The following ENOSF1 variants were observed in gnomAD, a reference collection of about 807,000 sequenced individuals.
ENOSF1 encodes mitochondrial enolase superfamily member 1.
ENOSF1 carries 73 observed loss-of-function variants against 68.2 expected under a neutral mutation model. The ratio of observed to expected loss-of-function variants is 1.07; its 90% CI spans 0.89 to 1.30. ENOSF1 has a LOEUF of 1.30. ENOSF1 is among the 50% of genes most tolerant of loss of function. The pLI, the probability that ENOSF1 is intolerant of heterozygous loss-of-function variation, is 0.00. For synonymous variants in ENOSF1, 223 were observed against 210.4 expected (o/e 1.06, Z -0.52); for missense variants, 589 against 554.5 (o/e 1.06, Z -0.62).
intron 3 of ENOSF1, among the ~76,000 whole-genome samples, chr18:696,012 G>A (rs1234573760): frequency 6.6e-6 from 1 of 152,088 alleles, no homozygotes; most frequent in African/African-American, 2.4e-5. Flanking sequence ...CAGTATCACG[G>A]GACAAAGGCA....
rs1378812093 is a variant in ENOSF1 at position 712,609 on chromosome 18, C to G, written c.-22G>C. The stretch of plus-strand genomic sequence containing the variant: ...CCATGGCCCCTGCGCCCCGTGGCCG[C>G]GGCCCCCGTGCGGTCAGGACTGGTC... On this transcript the variant is annotated 5_prime_UTR_variant, in exon 1 of 16. Coordinates refer to ENST00000647584, the MANE Select transcript of ENOSF1 (RefSeq NM_017512.7). 1.5e-6 allele frequency: 2 copies of G among 1,319,264 alleles called. No individual in the cohort carries two copies. Among genetic ancestry groups the G allele is most frequent in the Non-Finnish European group, 9.9e-7 (1 of 1,009,226 alleles). 81.7% of individuals were successfully genotyped at this position (1,319,264 alleles called of 1,614,324 possible). A position where few individuals can be genotyped will look rare whatever the true frequency, so the allele number is the denominator to read the frequency against.
chr18:674,409 A>G lies in ENOSF1; in HGVS notation c.1231-3T>C, dbSNP rs1221203620. ...ATTTCTGTTGAGTAGCCGGGATCCT[A>G]TCAAAGACCAAAAAAATGAGTCCTG... On this transcript the variant is annotated splice_region_variant and splice_polypyrimidine_tract_variant and intron_variant, in intron 15 of 15. Coordinates refer to ENST00000647584, the MANE Select transcript of ENOSF1 (RefSeq NM_017512.7). 1 of 1,599,490 alleles carries G rather than the reference A, an allele frequency of 6.3e-7. No homozygotes were observed. The highest frequency in any genetic ancestry group is 1.3e-5 in the African/African-American group (1 of 74,144).
At chr18:683,563 G>A (rs573075660) in intron 10 of ENOSF1, among the ~76,000 whole-genome samples, 183 bp from the exon 11 acceptor site, 2 of 152,190 alleles carry the variant, frequency 1.3e-5, no homozygotes, top group East Asian at 1.9e-4. Context: ...CTGCTGAGAC[G>A]GGGACTCTGG....
downstream of ENOSF1, among the ~76,000 whole-genome samples, chr18:667,261 G>GGT (rs2074861033): frequency 1.0e-4 from 3 of 30,124 alleles, no homozygotes; most frequent in Admixed American, 2.1e-4. Flanking sequence ...TGATGGTGAT[G>GGT]GAGATGGTGA....
At chr18:682,881 TCAAAA>T (rs71363253) in intron 11 of ENOSF1, 41,258 of 181,620 alleles carry the variant, frequency 0.23, 5,180 homozygotes, top group African/African-American at 0.28. Context: ...AGACTCTATC[TCAAAA>T]CAAAACAAAA....
intron 11 of ENOSF1, among the ~76,000 whole-genome samples, chr18:679,077 G>A (rs897191925): frequency 1.3e-5 from 2 of 152,190 alleles, no homozygotes; most frequent in Non-Finnish European, 2.9e-5. Flanking sequence ...ATAAGGACAG[G>A]GCTATTCGGA....
At chr18:670,116 T>A (rs2074969529), downstream of ENOSF1, among the ~76,000 whole-genome samples, 1 of 151,220 alleles carries the variant, frequency 6.6e-6, no homozygotes. Flanking sequence ...TGATCTCCGC[T>A]CACGGCAACC....
intron 2 of ENOSF1, among the ~76,000 whole-genome samples, chr18:704,569 G>A (rs77857366): frequency 6.7e-6 from 1 of 149,612 alleles, no homozygotes; most frequent in Non-Finnish European, 1.5e-5. Context: ...CAATAAGTTC[G>A]TGTGCTCCTT....
intron 9 of ENOSF1, chr18:687,244 T>C (rs897395383): frequency 6.6e-6 from 1 of 152,236 alleles, no homozygotes; most frequent in African/African-American, 2.4e-5. Flanking sequence ...ATTTCAGTTC[T>C]ATCAGATGCC....
chr18:672,783 C>T lies in ENOSF1; in HGVS notation c.*1522G>A. 6.9e-7 allele frequency: 1 copy of T among 1,455,642 alleles called. No individual in the cohort carries two copies. Among genetic ancestry groups the T allele is most frequent in the Non-Finnish European group, 9.3e-7 (1 of 1,072,942 alleles). The allele number at this position is 1,455,642 out of a possible 1,614,324, so 90.2% of individuals were successfully genotyped here. ...AACTTTGTTGATCACATCCTGTGTACTTGTTTCACGGACATGAGGAGCAAT... is the reference window on the plus strand; with the variant it reads ...AACTTTGTTGATCACATCCTGTGTATTTGTTTCACGGACATGAGGAGCAAT... On this transcript the variant is annotated 3_prime_UTR_variant, in exon 16 of 16. Coordinates refer to ENST00000647584, the MANE Select transcript of ENOSF1 (RefSeq NM_017512.7).
intron 14 of ENOSF1, among the ~76,000 whole-genome samples, chr18:675,895 G>T (rs1014530564): frequency 5.9e-5 from 9 of 152,070 alleles, no homozygotes; most frequent in Non-Finnish European, 1.3e-4. Context: ...AGCACTGTGA[G>T]GCTTTCTCGG....
chr18:690,997 C>A, intron 7 of ENOSF1, 71 bp downstream of exon 7: 1 of 1,548,022 alleles, frequency 6.5e-7, no homozygotes. Context: ...ATGTGTACCC[C>A]AAAAGGACAG....
At chr18:706,112 C>G (rs2078904547) in intron 2 of ENOSF1, among the ~76,000 whole-genome samples, 1 of 152,198 alleles carries the variant, frequency 6.6e-6, no homozygotes, top group South Asian at 2.1e-4. Context: ...TCTCATTGCC[C>G]TTGGTTACTC....
intron 5 of ENOSF1, chr18:692,626 A>G: frequency 1.2e-6 from 1 of 803,872 alleles, no homozygotes; most frequent in Non-Finnish European, 1.5e-6. Context: ...AAAGAAAAAA[A>G]GAAAAAAGAA....
At chr18:684,231 G>C (rs1316410811) in intron 10 of ENOSF1, among the ~76,000 whole-genome samples, 1 of 151,882 alleles carries the variant, frequency 6.6e-6, no homozygotes, top group Non-Finnish European at 1.5e-5. Flanking sequence ...TCCTGACCTT[G>C]TGATCCGCCC....
chr18:701,116 G>A (rs1029226145), intron 2 of ENOSF1, among the ~76,000 whole-genome samples: 2 of 151,884 alleles, frequency 1.3e-5, no homozygotes, highest in Non-Finnish European at 2.9e-5. Context: ...AAGTAAGAGT[G>A]GTGTCATAAA....
rs2076855518 is a variant in ENOSF1, at chr18:688,623, C to G, written c.619-15G>C. The G allele has an allele frequency of 6.2e-7, 1 of 1,612,132 alleles. No individual in the cohort carries two copies. The highest frequency in any genetic ancestry group is 8.5e-7 in the Non-Finnish European group (1 of 1,178,390). ...TGGGCACAGAGCTGTGGGAAAGGAG[C>G]ACAGGGTCACACACTGGAGAGAGCC... On this transcript the variant is annotated splice_polypyrimidine_tract_variant and intron_variant, in intron 8 of 15. Transcript: ENST00000647584.
In ENOSF1 at chr18:673,160, A is replaced by T; in HGVS notation, c.*1145T>A. On this transcript the variant is annotated 3_prime_UTR_variant, in exon 16 of 16. Transcript: ENST00000647584. ...TAAGGATGTTGCCACTGGCAAATGT[A>T]ACTGTGCCAGTTCTTTCCATAATAA... The T allele has an allele frequency of 1.4e-6, 1 of 693,764 alleles. No homozygotes were observed. The highest frequency in any genetic ancestry group is 2.2e-6 in the Non-Finnish European group (1 of 453,806). The allele number at this position is 693,764 out of a possible 1,614,324, so 43.0% of individuals were successfully genotyped here.
downstream of ENOSF1, chr18:667,606 GTGA>G (rs1200333833): frequency 2.8e-5 from 3 of 105,644 alleles, no homozygotes; most frequent in African/African-American, 4.6e-5. Context: ...GATGGTGATG[GTGA>G]TGGAGATGGG....
Sources: allele counts gnomAD v4.1 joint callset (sites outside exome capture counted in the v4.1 genomes callset), GRCh38; gene constraint gnomAD v4.1.1; transcripts MANE v1.5; gene names NCBI Gene and HGNC (gene_info 2026-07-23, HGNC 2026-07-21).